The following ITFG1 variants were observed in gnomAD, a reference collection of about 807,000 sequenced individuals.
The protein encoded by ITFG1 is T-cell immunomodulatory protein.
Under a neutral mutation model 81.8 loss-of-function variants are expected in ITFG1, and 34 were observed. That is an observed-to-expected ratio of 0.42 (90% CI 0.32 to 0.55). ITFG1 has a LOEUF of 0.55. Ranked by LOEUF, ITFG1 falls within the 20% of genes least tolerant of loss-of-function variation. The pLI, the probability that ITFG1 is intolerant of heterozygous loss-of-function variation, is 0.17. For missense variants in ITFG1, 672 were observed against 755.4 expected (o/e 0.89, Z 1.29); for synonymous variants, 285 against 270.6 (o/e 1.05, Z -0.52).
At chr16:47,253,301 C>T (rs1966099323) in intron 12 of ITFG1, among the ~76,000 whole-genome samples, 1 of 152,196 alleles carries the variant, frequency 6.6e-6, no homozygotes, top group Non-Finnish European at 1.5e-5. Flanking sequence ...ATGAACCTCA[C>T]ACACATTTCT....
chr16:47,267,644 A>C (rs919964019), intron 10 of ITFG1, among the ~76,000 whole-genome samples: 2 of 152,194 alleles, frequency 1.3e-5, no homozygotes, highest in Non-Finnish European at 2.9e-5. Flanking sequence ...ATCAAGATAG[A>C]GCATATTCTG....
intron 10 of ITFG1, among the ~76,000 whole-genome samples, chr16:47,306,951 G>A (rs944097527): frequency 4.0e-5 from 6 of 151,584 alleles, no homozygotes; most frequent in East Asian, 1.9e-4. Context: ...AAAATTAGCC[G>A]GGCATGGTGG....
intron 7 of ITFG1, among the ~76,000 whole-genome samples, chr16:47,367,256 A>C (rs1454875978): frequency 6.6e-6 from 1 of 152,234 alleles, no homozygotes; most frequent in Non-Finnish European, 1.5e-5. Flanking sequence ...TTCAGCTATC[A>C]GGAAGCTCTC....
chr16:47,461,205 T>TA (rs1459372153), upstream of ITFG1: 3 of 978,218 alleles, frequency 3.1e-6, no homozygotes, highest in Non-Finnish European at 4.4e-6. Flanking sequence ...CTTCCGACGC[T>TA]AAAAAAGCAG....
intron 17 of ITFG1, among the ~76,000 whole-genome samples, 162 bp downstream of exon 17, chr16:47,158,711 G>T (rs892956927): frequency 1.3e-5 from 2 of 152,064 alleles, no homozygotes; most frequent in Non-Finnish European, 2.9e-5. Flanking sequence ...AGGGATAAAA[G>T]AAATTATCAT....
intron 6 of ITFG1, among the ~76,000 whole-genome samples, chr16:47,417,950 T>A (rs1185521339): frequency 6.6e-6 from 1 of 152,158 alleles, no homozygotes; most frequent in Admixed American, 6.5e-5. Context: ...GTGTGAAACA[T>A]CCATACTGTT....
intron 13 of ITFG1, among the ~76,000 whole-genome samples, chr16:47,231,257 A>ACG (rs1965814029): frequency 6.6e-6 from 1 of 152,254 alleles, no homozygotes; most frequent in South Asian, 2.1e-4. Flanking sequence ...TTCATAATCC[A>ACG]CGAAGTGGAA....
At chr16:47,260,245 G>A (rs983796391) in intron 11 of ITFG1, among the ~76,000 whole-genome samples, 1 of 152,088 alleles carries the variant, frequency 6.6e-6, no homozygotes, top group Non-Finnish European at 1.5e-5. Context: ...CCTGTTGGCT[G>A]TAATTTTGTC....
intron 10 of ITFG1, among the ~76,000 whole-genome samples, chr16:47,281,179 T>C (rs978028669): frequency 4.6e-5 from 7 of 152,128 alleles, no homozygotes; most frequent in African/African-American, 1.7e-4. Flanking sequence ...TGGAACAGAA[T>C]CCTTAACAAA....
intron 14 of ITFG1, among the ~76,000 whole-genome samples, chr16:47,204,799 C>T (rs371385102): frequency 2.6e-5 from 4 of 152,138 alleles, no homozygotes; most frequent in African/African-American, 9.7e-5. Flanking sequence ...TTTATATGGA[C>T]ATTGGAAGAA....
intron 14 of ITFG1, among the ~76,000 whole-genome samples, chr16:47,204,234 T>A (rs1393240303): frequency 1.3e-5 from 2 of 152,178 alleles, no homozygotes; most frequent in African/African-American, 4.8e-5. Context: ...CTAAATTTTG[T>A]CAACCACACC....
intron 6 of ITFG1, among the ~76,000 whole-genome samples, chr16:47,388,344 A>G (rs1202122385): frequency 6.6e-6 from 1 of 152,210 alleles, no homozygotes; most frequent in East Asian, 1.9e-4. Flanking sequence ...ACATCTAAGA[A>G]GCTCAATAAA....
chr16:47,289,091 C>T (rs1312647206), intron 10 of ITFG1, among the ~76,000 whole-genome samples: 6 of 152,044 alleles, frequency 3.9e-5, no homozygotes, highest in African/African-American at 1.2e-4. Context: ...CATCCTCTTT[C>T]GATATTTATT....
chr16:47,254,298 C>A (rs1018565656), intron 12 of ITFG1, among the ~76,000 whole-genome samples: 2 of 152,040 alleles, frequency 1.3e-5, no homozygotes, highest in Non-Finnish European at 2.9e-5. Flanking sequence ...CATTTTCCCA[C>A]GTGGATAATT....
chr16:47,458,258 CG>C (rs1969478426), intron 2 of ITFG1, among the ~76,000 whole-genome samples: 1 of 152,188 alleles, frequency 6.6e-6, no homozygotes, highest in Non-Finnish European at 1.5e-5. Flanking sequence ...CTTAACTCCC[CG>C]AAGTGTACCT....
intron 5 of ITFG1, among the ~76,000 whole-genome samples, chr16:47,437,906 A>G (rs1654691427): frequency 6.6e-6 from 1 of 152,222 alleles, no homozygotes; most frequent in African/African-American, 2.4e-5. Flanking sequence ...TGGGAAGCGC[A>G]AGGGGTCAGG....
chr16:47,451,348 G>C, intron 5 of ITFG1, 48 bp downstream of exon 5: 1 of 1,012,772 alleles, frequency 9.9e-7, no homozygotes, highest in Non-Finnish European at 1.5e-6. Flanking sequence ...GGTTAAAGTA[G>C]AAGCAATATA....
intron 8 of ITFG1, among the ~76,000 whole-genome samples, chr16:47,362,283 T>G (rs2151585667): frequency 6.6e-6 from 1 of 152,304 alleles, no homozygotes; most frequent in East Asian, 1.9e-4. Flanking sequence ...AATCTGCCTC[T>G]CTTTTAACAT....
chr16:47,335,489 G>C (rs1258619379), intron 8 of ITFG1, among the ~76,000 whole-genome samples: 1 of 152,130 alleles, frequency 6.6e-6, no homozygotes, highest in African/African-American at 2.4e-5. Flanking sequence ...ATCTTATAAA[G>C]GATTTGTTTG....
Sources: allele counts gnomAD v4.1 joint callset (sites outside exome capture counted in the v4.1 genomes callset), GRCh38; gene constraint gnomAD v4.1.1; transcripts MANE v1.5; gene names NCBI Gene and HGNC (gene_info 2026-07-23, HGNC 2026-07-21).